SAMMSON: variants seen among roughly 807,000 people sequenced by gnomAD.
SAMMSON encodes long intergenic non-protein coding RNA 1212.
At chr3:70,286,859 G>T (rs1702170181) in intron 6 of SAMMSON, among the ~76,000 whole-genome samples, 1 of 152,052 alleles carries the variant, frequency 6.6e-6, no homozygotes, top group South Asian at 2.1e-4. Flanking sequence ...CTCTCTGTTT[G>T]TCTGTTGTTG....
intron 4 of SAMMSON, among the ~76,000 whole-genome samples, chr3:70,229,942 TATA>T (rs912576925): frequency 2.0e-5 from 3 of 152,180 alleles, no homozygotes; most frequent in Admixed American, 6.5e-5. Flanking sequence ...ATTATGGAAT[TATA>T]ATGATACAAA....
chr3:70,142,861 T>C (rs2106682167), intron 4 of SAMMSON, among the ~76,000 whole-genome samples: 1 of 152,234 alleles, frequency 6.6e-6, no homozygotes, highest in East Asian at 1.9e-4. Flanking sequence ...AGGTGGCAAA[T>C]CAGTGAAGCA....
intron 1 of SAMMSON, among the ~76,000 whole-genome samples, chr3:70,007,462 G>A (rs2066932528): frequency 6.6e-6 from 1 of 152,086 alleles, no homozygotes; most frequent in Admixed American, 6.5e-5. Flanking sequence ...AGAAGTGTCT[G>A]TTCATATCCT....
At chr3:70,232,202 G>C (rs1701566059) in intron 4 of SAMMSON, among the ~76,000 whole-genome samples, 1 of 152,084 alleles carries the variant, frequency 6.6e-6, no homozygotes, top group African/African-American at 2.4e-5. Context: ...GCTCTGTGAG[G>C]GTGTGCACCA....
At chr3:70,079,062 A>G (rs771499824) in intron 4 of SAMMSON, among the ~76,000 whole-genome samples, 2 of 152,150 alleles carry the variant, frequency 1.3e-5, no homozygotes, top group African/African-American at 2.4e-5. Flanking sequence ...AGTAGTTGCA[A>G]CAGAGACCGC....
At chr3:70,290,231 G>C (rs1702218908) in intron 6 of SAMMSON, among the ~76,000 whole-genome samples, 1 of 152,132 alleles carries the variant, frequency 6.6e-6, no homozygotes, top group Non-Finnish European at 1.5e-5. Flanking sequence ...TGTACAGATG[G>C]GTTTTTGGTG....
intron 7 of SAMMSON, among the ~76,000 whole-genome samples, chr3:70,329,755 A>T (rs991126314): frequency 2.6e-5 from 4 of 151,994 alleles, no homozygotes; most frequent in Admixed American, 2.6e-4. Flanking sequence ...CTTTAAAAAA[A>T]TTTTTAAAGG....
At chr3:70,416,357 C>T (rs1701264745) in intron 2 of SAMMSON, among the ~76,000 whole-genome samples, 1 of 152,102 alleles carries the variant, frequency 6.6e-6, no homozygotes, top group South Asian at 2.1e-4. Flanking sequence ...ATGTTTAATG[C>T]ATTGTCTTGT....
intron 6 of SAMMSON, among the ~76,000 whole-genome samples, chr3:70,274,745 C>A (rs1224697945): frequency 6.6e-6 from 1 of 152,076 alleles, no homozygotes; most frequent in Non-Finnish European, 1.5e-5. Context: ...GCACATGTAC[C>A]TTGGAACTTA....
In SAMMSON at chr3:70,387,372, ACT is replaced by A. The variant is rs1224915568; in HGVS notation, n.914-2199_914-2198del. On this transcript the variant is annotated intron_variant and non_coding_transcript_variant, in intron 9 of 9. Coordinates refer to ENST00000642114, the Ensembl canonical transcript of SAMMSON. ...TCTGATATCATTTTTTATGAAGGAG[ACT>A]CTGTCCTGTAGAATGCCTGCAATGA... Among the ~76,000 whole-genome samples the A allele has an allele frequency of 1.5e-4, 23 of 151,958 alleles. No homozygotes were observed. The East Asian group carries it at 4.5e-3, about 29-fold the overall frequency.
At chr3:70,219,493 A>C (rs1200856284) in intron 4 of SAMMSON, among the ~76,000 whole-genome samples, 2 of 152,182 alleles carry the variant, frequency 1.3e-5, no homozygotes. Context: ...AAACAGAAGA[A>C]ATTTTTCAAA....
intron 6 of SAMMSON, among the ~76,000 whole-genome samples, chr3:70,271,225 T>C (rs1414324907): frequency 6.6e-6 from 1 of 152,120 alleles, no homozygotes; most frequent in Non-Finnish European, 1.5e-5. Context: ...TTATCATTGA[T>C]CTACCTTAGG....
chr3:70,191,310 G>A (rs954921061), intron 4 of SAMMSON, among the ~76,000 whole-genome samples: 3 of 152,182 alleles, frequency 2.0e-5, no homozygotes, highest in Non-Finnish European at 2.9e-5. Context: ...GAGATAAAAG[G>A]TCTAAGCATC....
intron 7 of SAMMSON, among the ~76,000 whole-genome samples, chr3:70,318,462 T>TTG (rs35643960): frequency 0.6 from 89,299 of 150,030 alleles, 26,895 homozygotes; most frequent in Admixed American, 0.66. Flanking sequence ...AATTAACATT[T>TTG]TGTGTGTGTG....
At chr3:70,268,080 GT>G (rs2106668472) in intron 6 of SAMMSON, among the ~76,000 whole-genome samples, 2 of 147,984 alleles carry the variant, frequency 1.4e-5, no homozygotes, top group Non-Finnish European at 3.0e-5. Context: ...GGACTTCATT[GT>G]TTTTAGAGTA....
At chr3:70,157,540 T>C (rs2067596725) in intron 4 of SAMMSON, among the ~76,000 whole-genome samples, 1 of 151,984 alleles carries the variant, frequency 6.6e-6, no homozygotes, top group Non-Finnish European at 1.5e-5. Flanking sequence ...GAAAAATAAG[T>C]AGTTTTGGTG....
At chr3:70,355,196 G>C (rs906418840) in intron 8 of SAMMSON, among the ~76,000 whole-genome samples, 1 of 152,110 alleles carries the variant, frequency 6.6e-6, no homozygotes, top group African/African-American at 2.4e-5. Context: ...TGGAGATCTG[G>C]TTGAGAATAC....
At chr3:70,418,919 T>TCTTTCCTTTCATTTCCTTTC (rs1701285738) in intron 2 of SAMMSON, among the ~76,000 whole-genome samples, 1 of 85,114 alleles carries the variant, frequency 1.2e-5, no homozygotes, top group Non-Finnish European at 2.3e-5. Context: ...ATGTTTGCTT[T>TCTTTCCTTTCATTTCCTTTC]CTTTCCTTTC....
chr3:70,429,036 C>T (rs145697045), intron 2 of SAMMSON, among the ~76,000 whole-genome samples: 12 of 152,110 alleles, frequency 7.9e-5, no homozygotes, highest in African/African-American at 1.9e-4. Flanking sequence ...AGTCTTTGCC[C>T]GTGCCTATGG....
Sources: gnomAD v4.1 joint callset for allele counts (sites outside exome capture counted in the v4.1 genomes callset) on GRCh38, gnomAD v4.1.1 for gene constraint, MANE v1.5 for transcripts, NCBI Gene and HGNC (gene_info 2026-07-23, HGNC 2026-07-21) for gene names.